Variants in OR10J1 observed in about 807,000 individuals in gnomAD.
OR10J1 encodes olfactory receptor family 10 subfamily J member 1.
For synonymous variants in OR10J1, 202 were observed against 143.8 expected (o/e 1.40, Z -2.89); for missense variants, 474 against 376.6 (o/e 1.26, Z -2.14).
the OR10J1 span, among the ~76,000 whole-genome samples, chr1:159,406,730 T>C: frequency 6.6e-6 from 1 of 152,108 alleles, no homozygotes; most frequent in Admixed American, 6.6e-5. Context: ...TCCTCTATGC[T>C]TACCCTTAAT....
At chr1:159,399,570 C>CAAAAAAAAA in the OR10J1 span, among the ~76,000 whole-genome samples, 192 of 55,842 alleles carry the variant, frequency 3.4e-3, no homozygotes, top group Non-Finnish European at 3.9e-3. Flanking sequence ...GATTCTGTCT[C>CAAAAAAAAA]AAAAAAAAAA....
In OR10J1 at chr1:159,440,638, C is replaced by A; in HGVS notation, c.847C>A (p.Leu283Ile). Residue 283 changes from leucine (L) to isoleucine (I), a missense_variant, in exon 1 of 1, where the codon CTA becomes ATA. Transcript: ENST00000423932. ...ISVTYTVITP[L>I]LNPVVYTLRN... is the part of the protein sequence containing the mutation. Reference sequence around the variant, plus strand: ...GGTGACCTACACTGTCATCACTCCCCTACTGAACCCTGTGGTATACACCCT... The same window carrying A: ...GGTGACCTACACTGTCATCACTCCCATACTGAACCCTGTGGTATACACCCT... 1.9e-6 allele frequency: 3 copies of A among 1,613,970 alleles called. No homozygotes were observed. The highest frequency in any genetic ancestry group is 2.5e-6 in the Non-Finnish European group (3 of 1,179,992).
the OR10J1 span, among the ~76,000 whole-genome samples, chr1:159,412,451 A>C: frequency 6.7e-6 from 1 of 150,244 alleles, no homozygotes; most frequent in East Asian, 2.0e-4. Context: ...ACAAGGCTAC[A>C]GTAACCAAAA....
chr1:159,415,325 G>T, the OR10J1 span, among the ~76,000 whole-genome samples: 2 of 151,992 alleles, frequency 1.3e-5, no homozygotes, highest in Admixed American at 6.6e-5. Context: ...ATTGAAGAAG[G>T]TATCCTTTTC....
chr1:159,412,010 T>G, the OR10J1 span, among the ~76,000 whole-genome samples: 2 of 152,084 alleles, frequency 1.3e-5, no homozygotes, highest in African/African-American at 4.8e-5. Context: ...AAAATCAATG[T>G]ACAAAAATCA....
At chr1:159,425,613 GAGAT>G in the OR10J1 span, among the ~76,000 whole-genome samples, 1 of 152,032 alleles carries the variant, frequency 6.6e-6, no homozygotes, top group East Asian at 1.9e-4. Context: ...TGCAAAGAAA[GAGAT>G]AGGAACTTAT....
At chr1:159,419,787 G>A in the OR10J1 span, among the ~76,000 whole-genome samples, 2 of 152,214 alleles carry the variant, frequency 1.3e-5, no homozygotes, top group East Asian at 3.8e-4. Context: ...CTGATAAATG[G>A]AATGTGTATT....
chr1:159,439,774 A>G lies in OR10J1; in HGVS notation c.-18A>G. 1 of 1,613,590 alleles carries G rather than the reference A, an allele frequency of 6.2e-7. No individual in the cohort carries two copies. The highest frequency in any genetic ancestry group is 8.5e-7 in the Non-Finnish European group (1 of 1,179,630). On this transcript the variant is annotated 5_prime_UTR_variant, in exon 1 of 1. Coordinates refer to ENST00000423932, the MANE Select transcript of OR10J1 (RefSeq NM_012351.3). ...TGTGACTTTTATGCTTTTATGTTTC[A>G]GATTTGGGAACCAATCCATGAAAAG...
chr1:159,418,495 G>T, the OR10J1 span, among the ~76,000 whole-genome samples: 7 of 152,320 alleles, frequency 4.6e-5, no homozygotes, highest in Non-Finnish European at 1.0e-4. Flanking sequence ...GAGCCTGCAG[G>T]TGAACAGAAG....
the OR10J1 span, among the ~76,000 whole-genome samples, chr1:159,408,539 G>A: frequency 3.3e-4 from 50 of 151,354 alleles, no homozygotes; most frequent in African/African-American, 1.2e-3. Context: ...TGGGTGCAGC[G>A]CACCAGCATG....
At chr1:159,419,712 A>G in the OR10J1 span, among the ~76,000 whole-genome samples, 1 of 152,310 alleles carries the variant, frequency 6.6e-6, no homozygotes, top group South Asian at 2.1e-4. Flanking sequence ...TTTCAGTATT[A>G]TTCAATTTGT....
the OR10J1 span, chr1:159,406,217 G>A: frequency 3.6e-5 from 19 of 526,822 alleles, no homozygotes; most frequent in African/African-American, 1.2e-4. Flanking sequence ...ATGTCCAGGC[G>A]AGTAATGGTC....
the OR10J1 span, among the ~76,000 whole-genome samples, chr1:159,420,615 G>C: frequency 2.0e-5 from 3 of 151,990 alleles, no homozygotes; most frequent in Non-Finnish European, 4.4e-5. Context: ...TGATAAATTT[G>C]CTTATTTGGA....
the OR10J1 span, among the ~76,000 whole-genome samples, chr1:159,430,608 C>T: frequency 2.1e-5 from 3 of 146,126 alleles, no homozygotes; most frequent in Admixed American, 6.8e-5. Flanking sequence ...CATCCATGAA[C>T]ATGAAAAAAA....
the OR10J1 span, among the ~76,000 whole-genome samples, chr1:159,430,668 T>TGTGCGCGC: frequency 1.9e-4 from 13 of 69,712 alleles, no homozygotes; most frequent in East Asian, 3.3e-4. Context: ...TGTGTGTGTG[T>TGTGCGCGC]GCGCGCGCGC....
the OR10J1 span, among the ~76,000 whole-genome samples, chr1:159,429,543 TG>T: frequency 6.6e-6 from 1 of 152,162 alleles, no homozygotes; most frequent in East Asian, 1.9e-4. Context: ...TTCATTCCTG[TG>T]GGAAAAACCA....
the OR10J1 span, among the ~76,000 whole-genome samples, chr1:159,407,711 A>G: frequency 6.6e-6 from 1 of 152,168 alleles, no homozygotes; most frequent in Non-Finnish European, 1.5e-5. Context: ...GATAAAATTC[A>G]CAACTGATCT....
chr1:159,439,791 C>T lies in OR10J1; in HGVS notation c.-1C>T, dbSNP rs751253966. The T allele has an allele frequency of 6.2e-7, 1 of 1,613,928 alleles. No homozygotes were observed. Among genetic ancestry groups the T allele is most frequent in the Non-Finnish European group, 8.5e-7 (1 of 1,179,872 alleles). On this transcript the variant is annotated 5_prime_UTR_variant, in exon 1 of 1. Coordinates refer to ENST00000423932, the MANE Select transcript of OR10J1 (RefSeq NM_012351.3). The stretch of plus-strand genomic sequence containing the variant: ...TATGTTTCAGATTTGGGAACCAATC[C>T]ATGAAAAGAGAGAACTTTACTCTCA...
upstream of OR10J1, among the ~76,000 whole-genome samples, chr1:159,435,943 T>C (rs1261483518): frequency 6.6e-6 from 1 of 152,216 alleles, no homozygotes; most frequent in East Asian, 1.9e-4. Flanking sequence ...GATTGGACTT[T>C]CTGTACATCC....
Sources: allele counts gnomAD v4.1 joint callset (sites outside exome capture counted in the v4.1 genomes callset), GRCh38; gene constraint gnomAD v4.1.1; transcripts MANE v1.5; gene names NCBI Gene and HGNC (gene_info 2026-07-23, HGNC 2026-07-21).